The following ECHDC1 variants were observed in gnomAD, a reference collection of about 807,000 sequenced individuals.
The protein encoded by ECHDC1 is ethylmalonyl-CoA decarboxylase.
In ECHDC1, 29 loss-of-function variants were observed where a neutral mutation model predicts 29.7. The observed-to-expected ratio is 0.98, with a 90% CI of 0.73 to 1.33. ECHDC1 has a LOEUF of 1.33. Among genes scored for constraint, ECHDC1 ranks in the 40% most tolerant of loss-of-function variants. The pLI, the probability that ECHDC1 is intolerant of heterozygous loss-of-function variation, is 0.00. For synonymous variants in ECHDC1, 126 were observed against 123.1 expected, an observed-to-expected ratio of 1.02 and a Z score of -0.15; for missense variants, 328 against 350.0, an observed-to-expected ratio of 0.94 and a Z score of 0.50.
intron 4 of ECHDC1, chr6:127,316,029 A>G: frequency 2.1e-6 from 1 of 470,816 alleles, no homozygotes; most frequent in Middle Eastern, 3.3e-4. Context: ...TTTCCAATCC[A>G]TAGTTCTTTT....
At chr6:127,308,735 C>T (rs1582953622) in intron 5 of ECHDC1, among the ~76,000 whole-genome samples, 1 of 152,044 alleles carries the variant, frequency 6.6e-6, no homozygotes, top group East Asian at 1.9e-4. Flanking sequence ...GTAGATTATA[C>T]AATCTATGTC....
intron 5 of ECHDC1, among the ~76,000 whole-genome samples, chr6:127,308,281 T>C (rs559183861): frequency 5.1e-4 from 77 of 152,184 alleles, no homozygotes; most frequent in African/African-American, 1.7e-3. Context: ...CAACAATATA[T>C]TAAAAAGATC....
At chr6:127,331,976 GC>G in intron 1 of ECHDC1, 1 of 615,988 alleles carries the variant, frequency 1.6e-6, no homozygotes, top group Non-Finnish European at 2.0e-6. Context: ...TCTCATCTCT[GC>G]CCATAAGCTT....
intron 5 of ECHDC1, among the ~76,000 whole-genome samples, chr6:127,307,271 C>G (rs1007080470): frequency 6.6e-6 from 1 of 152,034 alleles, no homozygotes; most frequent in Non-Finnish European, 1.5e-5. Flanking sequence ...AAAGCAAGAG[C>G]AAGCCAAACT....
chr6:127,315,944 CAAG>C (rs750066512), intron 4 of ECHDC1: 41 of 470,572 alleles, frequency 8.7e-5, no homozygotes, highest in South Asian at 5.1e-4. Context: ...CTTGATAGGC[CAAG>C]AAGAATTTTT....
chr6:127,290,343 C>G (rs767908267), intron 5 of ECHDC1, 66 bp from the exon 6 acceptor site: 45 of 1,481,378 alleles, frequency 3.0e-5, no homozygotes, highest in Middle Eastern at 3.6e-4. Context: ...AAAGTACTAT[C>G]CATTCATGAT....
chr6:127,293,010 A>C (rs1029986325), intron 5 of ECHDC1, among the ~76,000 whole-genome samples: 3 of 152,146 alleles, frequency 2.0e-5, no homozygotes, highest in Non-Finnish European at 4.4e-5. Context: ...AGATGAGATT[A>C]ATCAAATGTG....
At chr6:127,313,321 A>G in intron 5 of ECHDC1, 1 of 211,722 alleles carries the variant, frequency 4.7e-6, no homozygotes, top group Non-Finnish European at 9.9e-6. Context: ...CTTCCACCTC[A>G]GACTCCCAAG....
In ECHDC1 at chr6:127,290,201, G is replaced by A. The variant is rs199937080; in HGVS notation, c.574C>T (p.Arg192Trp). The A allele has an allele frequency of 6.1e-5, 98 of 1,613,462 alleles. No homozygotes were observed. Among genetic ancestry groups the A allele is most frequent in the Non-Finnish European group, 7.5e-5 (89 of 1,179,744 alleles). The change falls in exon 6 of 6, where the codon CGG becomes TGG. Residue 192 changes from arginine to tryptophan, a missense_variant. Transcript: ENST00000454859. ...GIIPSWGGTT[R>W]LVEIIGSRQA... ...CTACTTCCGATTATTTCAACTAGCC[G>A]GGTGGTGCCACCCCAGCTTGGTATT... is the stretch of plus-strand genomic sequence containing the variant.
chr6:127,317,683 T>G (rs1023529282), intron 3 of ECHDC1, among the ~76,000 whole-genome samples: 1 of 152,228 alleles, frequency 6.6e-6, no homozygotes, highest in African/African-American at 2.4e-5. Context: ...TAGCGGTCAA[T>G]AAGGCTCAGA....
At chr6:127,292,872 C>T (rs1044191762) in intron 5 of ECHDC1, among the ~76,000 whole-genome samples, 7 of 151,962 alleles carry the variant, frequency 4.6e-5, no homozygotes, top group Non-Finnish European at 8.8e-5. Context: ...TAATGACAGA[C>T]TCAATTTATA....
At chr6:127,296,937 G>A (rs566012712) in intron 5 of ECHDC1, among the ~76,000 whole-genome samples, 7 of 152,196 alleles carry the variant, frequency 4.6e-5, no homozygotes, top group South Asian at 2.1e-4. Flanking sequence ...TCCTAGAGGC[G>A]GAAGTTGCAG....
intron 4 of ECHDC1, chr6:127,315,723 G>T (rs2114620372): frequency 3.0e-6 from 1 of 328,126 alleles, no homozygotes; most frequent in South Asian, 2.6e-5. Context: ...AAACAATGAA[G>T]ATACTATTTT....
At chr6:127,315,571 T>G (rs899842436) in intron 4 of ECHDC1, 1 of 223,682 alleles carries the variant, frequency 4.5e-6, no homozygotes. Flanking sequence ...TGACCTACAA[T>G]GCAAAGGTGC....
intron 1 of ECHDC1, among the ~76,000 whole-genome samples, chr6:127,332,183 G>C (rs1784018076): frequency 6.6e-6 from 1 of 152,082 alleles, no homozygotes; most frequent in East Asian, 1.9e-4. Context: ...TCAAGTAAAA[G>C]TAACTTCTTG....
Position 127,289,940 on chromosome 6 carries a change from G to C in ECHDC1, c.835C>G (p.Leu279Val). 4 of 1,613,520 alleles carry C rather than the reference G, an allele frequency of 2.5e-6. No individual in the cohort carries two copies. The highest frequency in any genetic ancestry group is 3.4e-6 in the Non-Finnish European group (4 of 1,179,682). ...GGCCCACCCCAAACTGTTCCTAAAA[G>C]ATCTCTTTCGTTCTGTAATGCTTCC... ...LEEALQNERD[L>V]LGTVWGGPAN... Residue 279 changes from leucine to valine, a missense_variant, in exon 6 of 6, where the codon CTT (leucine) becomes GTT (valine). Transcript: ENST00000454859.
chr6:127,315,896 ATC>A (rs1255292694), intron 4 of ECHDC1: 1 of 457,486 alleles, frequency 2.2e-6, no homozygotes, highest in African/African-American at 2.0e-5. Context: ...TAGAAAGCTA[ATC>A]AACCAAAACA....
At chr6:127,315,666 T>G in intron 4 of ECHDC1, 1 of 276,672 alleles carries the variant, frequency 3.6e-6, no homozygotes, top group Non-Finnish European at 7.2e-6. Flanking sequence ...TTCAGATTTA[T>G]CTATGAAAAA....
intron 1 of ECHDC1, among the ~76,000 whole-genome samples, chr6:127,333,355 A>G (rs2114692355): frequency 6.6e-6 from 1 of 152,142 alleles, no homozygotes; most frequent in East Asian, 1.9e-4. Context: ...CCTGAGATCT[A>G]TTTTCCTTTC....
Sources: gnomAD v4.1 joint callset for allele counts (sites outside exome capture counted in the v4.1 genomes callset) on GRCh38, gnomAD v4.1.1 for gene constraint, MANE v1.5 for transcripts, NCBI Gene and HGNC (gene_info 2026-07-23, HGNC 2026-07-21) for gene names.